Variants in TFPI observed in about 807,000 individuals in gnomAD.
The protein encoded by TFPI is anti-convertin.
In TFPI, 15 loss-of-function variants were observed where a neutral mutation model predicts 34.6. That is an observed-to-expected ratio of 0.43 (90% CI 0.29 to 0.67). The LOEUF (loss-of-function observed/expected upper bound fraction) is 0.67, where lower values mean the gene tolerates loss of function less well. Ranked by LOEUF, TFPI falls within the 30% of genes least tolerant of loss-of-function variation. The pLI is 0.15. For missense variants in TFPI, 301 were observed against 364.0 expected (o/e 0.83, Z 1.41); for synonymous variants, 105 against 120.1 (o/e 0.87, Z 0.82).
At chr2:187,500,782 C>T (rs984724281) in intron 2 of TFPI, among the ~76,000 whole-genome samples, 1 of 152,162 alleles carries the variant, frequency 6.6e-6, no homozygotes, top group Non-Finnish European at 1.5e-5. Flanking sequence ...AAGCAATGGC[C>T]AGGTGTGCTG....
At chr2:187,501,376 G>T (rs1436674031) in intron 2 of TFPI, among the ~76,000 whole-genome samples, 1 of 143,290 alleles carries the variant, frequency 7.0e-6, no homozygotes, top group East Asian at 2.1e-4. Flanking sequence ...TCATGCCCTT[G>T]ACTGTAAGAA....
chr2:187,522,839 C>G (rs962972769), intron 1 of TFPI, among the ~76,000 whole-genome samples: 3 of 151,052 alleles, frequency 2.0e-5, no homozygotes, highest in Non-Finnish European at 4.4e-5. Context: ...TGCAGTGAGC[C>G]GAGATCGTGC....
intron 3 of TFPI, among the ~76,000 whole-genome samples, chr2:187,494,832 C>T (rs1394462555): frequency 6.6e-6 from 1 of 152,162 alleles, no homozygotes; most frequent in Non-Finnish European, 1.5e-5. Flanking sequence ...AAGCAATTCT[C>T]CTGTCTCAGC....
intron 1 of TFPI, chr2:187,526,736 AT>A (rs1687699023): frequency 6.6e-6 from 1 of 152,002 alleles, no homozygotes; most frequent in African/African-American, 2.4e-5. Context: ...ATATTGTTGA[AT>A]TTTTTTCTTT....
At chr2:187,510,589 G>C (rs1686553064) in intron 1 of TFPI, among the ~76,000 whole-genome samples, 1 of 152,230 alleles carries the variant, frequency 6.6e-6, no homozygotes, top group African/African-American at 2.4e-5. Flanking sequence ...TCCACAGGCA[G>C]GCAGCCCGGC....
At chr2:187,487,552 A>C (rs1435812590) in intron 4 of TFPI, among the ~76,000 whole-genome samples, 1 of 151,434 alleles carries the variant, frequency 6.6e-6, no homozygotes, top group South Asian at 2.1e-4. Flanking sequence ...TGAGTTAAAC[A>C]ATTTAATCTC....
intron 1 of TFPI, chr2:187,515,365 C>T (rs536661867): frequency 6.6e-6 from 1 of 152,362 alleles, no homozygotes; most frequent in Non-Finnish European, 1.5e-5. Flanking sequence ...CACCCTAAAC[C>T]CCACCACCTT....
intron 1 of TFPI, among the ~76,000 whole-genome samples, chr2:187,523,664 T>C (rs1174244724): frequency 6.6e-6 from 1 of 152,102 alleles, no homozygotes; most frequent in African/African-American, 2.4e-5. Context: ...GTGACACATA[T>C]CCACAGAATA....
intron 1 of TFPI, among the ~76,000 whole-genome samples, chr2:187,545,586 TCAA>T (rs1417484244): frequency 1.3e-5 from 2 of 152,172 alleles, no homozygotes; most frequent in Middle Eastern, 3.2e-3. Flanking sequence ...CTGCAAAGCT[TCAA>T]AAGACACGCT....
intron 1 of TFPI, chr2:187,547,057 T>C (rs1303408104): frequency 2.6e-5 from 4 of 152,238 alleles, no homozygotes; most frequent in Admixed American, 1.3e-4. Context: ...CCTGTTTCCA[T>C]CAGATTTTAT....
chr2:187,497,119 C>T, intron 2 of TFPI, 41 bp from the exon 3 acceptor site: 8 of 1,528,548 alleles, frequency 5.2e-6, no homozygotes, highest in South Asian at 1.2e-5. Context: ...TAATCTCCAT[C>T]AACACTGTAA....
chr2:187,478,655 G>T, intron 6 of TFPI: 1 of 1,609,612 alleles, frequency 6.2e-7, no homozygotes, highest in Non-Finnish European at 8.5e-7. Flanking sequence ...AAATATTAAG[G>T]AAATGCCAAA....
In TFPI at chr2:187,466,861, G is replaced by T; in HGVS notation, c.*75C>A. 1 of 855,346 alleles carries T rather than the reference G, an allele frequency of 1.2e-6. No individual in the cohort carries two copies. 53.0% of individuals were successfully genotyped at this position (855,346 alleles called of 1,614,324 possible). A position where few individuals can be genotyped will look rare whatever the true frequency, so the allele number is the denominator to read the frequency against. ...CATATTAATTAAAAGCATTTTAGAA[G>T]AAAAATAGAAAATCATAGTGAAACA... On this transcript the variant is annotated 3_prime_UTR_variant, in exon 8 of 8. Transcript: ENST00000233156.
At chr2:187,545,815 A>C (rs1396476702) in intron 1 of TFPI, among the ~76,000 whole-genome samples, 1 of 152,142 alleles carries the variant, frequency 6.6e-6, no homozygotes, top group African/African-American at 2.4e-5. Flanking sequence ...CAAAGTTAAG[A>C]AATTTAATTA....
chr2:187,547,396 A>G (rs1341290235), intron 1 of TFPI: 1 of 152,184 alleles, frequency 6.6e-6, no homozygotes, highest in Non-Finnish European at 1.5e-5. Flanking sequence ...CACTCCTATT[A>G]AGGAGAGTAT....
chr2:187,479,587 A>ATATATATATG (rs1334522876), intron 6 of TFPI, among the ~76,000 whole-genome samples: 19 of 131,172 alleles, frequency 1.4e-4, no homozygotes, highest in South Asian at 2.5e-4. Flanking sequence ...ATATATATAT[A>ATATATATATG]TATGATTTAA....
rs908738497 is a variant in TFPI, at chr2:187,484,032, T to C, written c.628+92A>G. The C allele has an allele frequency of 4.1e-6, 4 of 971,034 alleles. No individual in the cohort carries two copies. The African/African-American group carries it at 5.0e-5, about 12-fold the overall frequency. The allele number at this position is 971,034 out of a possible 1,614,324, so 60.2% of individuals were successfully genotyped here. On this transcript the variant is annotated intron_variant, in intron 6 of 7. Transcript: ENST00000233156. ...TTAAGCAACAACGCAGGTATATATA[T>C]ATATTTAAAGACATACTTCTAATAC... is the stretch of plus-strand genomic sequence containing the variant.
At chr2:187,489,569 T>C (rs1684968311) in intron 3 of TFPI, among the ~76,000 whole-genome samples, 1 of 151,482 alleles carries the variant, frequency 6.6e-6, no homozygotes. Flanking sequence ...AAGAAAGAAA[T>C]GTATACATAT....
At position 187,543,930 on chromosome 2, in the gene TFPI, C is replaced by G. The variant is rs556543296; in HGVS notation, c.-3+10270G>C. 9.2e-5 allele frequency among the ~76,000 whole-genome samples: 14 copies of G among 152,186 alleles called. No individual in the cohort carries two copies. The South Asian group carries it at 2.9e-3, about 32-fold the overall frequency. On this transcript the variant is annotated intron_variant, in intron 1 of 7. Coordinates refer to ENST00000233156, the MANE Select transcript of TFPI (RefSeq NM_006287.6). ...ATCTTGTAACATTGAGGCAGACAAA[C>G]TAAAAATAAAATTTATCTGCTGTGT... is the stretch of plus-strand genomic sequence containing the variant.
Sources: gnomAD v4.1 joint callset for allele counts (sites outside exome capture counted in the v4.1 genomes callset) on GRCh38, gnomAD v4.1.1 for gene constraint, MANE v1.5 for transcripts, NCBI Gene and HGNC (gene_info 2026-07-23, HGNC 2026-07-21) for gene names.